Variants in CEMIP2 observed in about 807,000 individuals in gnomAD.
CEMIP2 encodes the protein cell surface hyaluronidase CEMIP2.
Under a neutral mutation model 146.9 loss-of-function variants are expected in CEMIP2, and 79 were observed. That is an observed-to-expected ratio of 0.54 (90% CI 0.45 to 0.65). The LOEUF is 0.65. Among genes scored for constraint, CEMIP2 ranks in the 30% least tolerant of loss-of-function variants. The pLI is 0.00. For missense variants in CEMIP2, 1,596 were observed against 1,696.2 expected (o/e 0.94, Z 1.04); for synonymous variants, 601 against 606.3 (o/e 0.99, Z 0.13).
At chr9:71,746,760 A>G in intron 2 of CEMIP2, among the ~76,000 whole-genome samples, 1 of 152,214 alleles carries the variant, frequency 6.6e-6, no homozygotes, top group East Asian at 1.9e-4. Flanking sequence ...GAAAATTGCT[A>G]AATAATACAT....
intron 14 of CEMIP2, among the ~76,000 whole-genome samples, chr9:71,715,625 G>GAGATATAT (rs140408118): frequency 8.4e-6 from 1 of 119,068 alleles, no homozygotes; most frequent in African/African-American, 2.9e-5. Context: ...TCCCTCTTAA[G>GAGATATAT]ATATATATAT....
At chr9:71,702,741 A>G (rs1480378716) in intron 18 of CEMIP2, among the ~76,000 whole-genome samples, 1 of 152,186 alleles carries the variant, frequency 6.6e-6, no homozygotes, top group African/African-American at 2.4e-5. Flanking sequence ...GCCTCTGACC[A>G]TCGTGTAATT....
intron 12 of CEMIP2, among the ~76,000 whole-genome samples, chr9:71,719,575 A>G (rs1387611848): frequency 6.6e-6 from 1 of 152,194 alleles, no homozygotes; most frequent in African/African-American, 2.4e-5. Flanking sequence ...ACCAGTCAGA[A>G]GGATCTTCAT....
At position 71,746,359 on chromosome 9, in the gene CEMIP2, T is replaced by C; in HGVS notation, c.332-18A>G. On this transcript the variant is annotated intron_variant, in intron 2 of 23. Transcript: ENST00000377044. ...GCAATTTTCTATAAACACATTGATA[T>C]TCCATCCAACCCATTAAAATGCAGG... is the stretch of plus-strand genomic sequence containing the variant. 1.2e-6 allele frequency: 2 copies of C among 1,613,384 alleles called. No homozygotes were observed. Among genetic ancestry groups the C allele is most frequent in the Non-Finnish European group, 1.7e-6 (2 of 1,179,554 alleles).
chr9:71,758,841 T>C (rs1406676533), intron 1 of CEMIP2, among the ~76,000 whole-genome samples: 1 of 152,178 alleles, frequency 6.6e-6, no homozygotes. Flanking sequence ...AAATAGAAGA[T>C]TTTCCACAGG....
intron 7 of CEMIP2, among the ~76,000 whole-genome samples, chr9:71,731,763 A>G (rs1048342438): frequency 1.3e-5 from 2 of 152,026 alleles, no homozygotes; most frequent in African/African-American, 4.8e-5. Flanking sequence ...TGTAACAGAA[A>G]TACTACTTAC....
rs79872255 is a variant in CEMIP2 at position 71,741,185 on chromosome 9, ATTTTTTTTTTTTTTTTTT to A, written c.1035-971_1035-954del. Among the ~76,000 whole-genome samples, 5 of 72,242 alleles carry A rather than the reference ATTTTTTTTTTTTTTTTTT, an allele frequency of 6.9e-5. No homozygotes were observed. In the South Asian group the frequency reaches 2.1e-3, roughly 30 times the overall value. 47.4% of individuals were successfully genotyped at this position (72,242 alleles called of 152,430 possible). A position where few individuals can be genotyped will look rare whatever the true frequency, so the allele number is the denominator to read the frequency against. On this transcript the variant is annotated intron_variant, in intron 4 of 23. Coordinates refer to ENST00000377044, the MANE Select transcript of CEMIP2 (RefSeq NM_013390.3). Reference sequence around the variant, plus strand: ...CAGGCAAGGTTGAGAACTGAGTTAGATTTTTTTTTTTTTTTTTTTTTTTTTTTTGAGATGGAGTTTCGC... The same window carrying A: ...CAGGCAAGGTTGAGAACTGAGTTAGATTTTTTTTTTGAGATGGAGTTTCGC...
At chr9:71,728,267 A>ATC (rs1823476025) in intron 10 of CEMIP2, among the ~76,000 whole-genome samples, 1 of 11,104 alleles carries the variant, frequency 9.0e-5, no homozygotes, top group Admixed American at 1.7e-3. Context: ...ACACGTATAT[A>ATC]TATATATATA....
rs1823488695 is a variant in CEMIP2, at chr9:71,728,282, T to TAC, written c.2049+1562_2049+1563insGT. Among the ~76,000 whole-genome samples, 4 of 10,112 alleles carry TAC rather than the reference T, an allele frequency of 4.0e-4. 1 individual carries two copies. The highest frequency in any genetic ancestry group is 1.9e-3 in the Admixed American group (1 of 528). 6.6% of individuals were successfully genotyped at this position (10,112 alleles called of 152,430 possible). A position where few individuals can be genotyped will look rare whatever the true frequency, so the allele number is the denominator to read the frequency against. ...ACACGTATATATATATATATATATG[T>TAC]ATATATATATATATATATACATATA... On this transcript the variant is annotated intron_variant, in intron 10 of 23. Coordinates refer to ENST00000377044, the MANE Select transcript of CEMIP2 (RefSeq NM_013390.3).
chr9:71,720,647 A>G (rs1205923613), intron 12 of CEMIP2, among the ~76,000 whole-genome samples: 1 of 152,172 alleles, frequency 6.6e-6, no homozygotes, highest in African/African-American at 2.4e-5. Context: ...TATCTTCTGG[A>G]TCTTCTAAGC....
chr9:71,702,464 C>A (rs1487743795), intron 18 of CEMIP2, among the ~76,000 whole-genome samples: 2 of 151,932 alleles, frequency 1.3e-5, no homozygotes, highest in East Asian at 3.9e-4. Flanking sequence ...AAAATTATGG[C>A]ACATCCATAG....
chr9:71,758,613 G>A (rs1824534817), intron 1 of CEMIP2, among the ~76,000 whole-genome samples: 1 of 152,134 alleles, frequency 6.6e-6, no homozygotes, highest in African/African-American at 2.4e-5. Context: ...AGGAGAGACG[G>A]CAAATGTCTC....
Position 71,684,669 on chromosome 9 carries a change from T to G in CEMIP2, c.*528A>C, listed in dbSNP as rs1822000707. On this transcript the variant is annotated 3_prime_UTR_variant, in exon 24 of 24. Transcript: ENST00000377044. ...TGTCCAGGCAAAAAAGGGCATGAGC[T>G]GGGCCTGAGTTGCCACTTAAAACTG... 2 of 152,896 alleles carry G rather than the reference T, an allele frequency of 1.3e-5. No individual in the cohort carries two copies. Among genetic ancestry groups the G allele is most frequent in the Non-Finnish European group, 2.9e-5 (2 of 68,226 alleles). The allele number at this position is 152,896 out of a possible 1,614,324, so 9.5% of individuals were successfully genotyped here.
intron 2 of CEMIP2, among the ~76,000 whole-genome samples, chr9:71,749,592 G>A (rs755741518): frequency 6.6e-6 from 1 of 152,002 alleles, no homozygotes; most frequent in Non-Finnish European, 1.5e-5. Flanking sequence ...TGTAGTCCCA[G>A]CTACTCAGGA....
At chr9:71,769,057 G>T (rs11790412), upstream of CEMIP2, among the ~76,000 whole-genome samples, 11 of 152,152 alleles carry the variant, frequency 7.2e-5, 1 homozygote, top group East Asian at 5.9e-4. Context: ...CCGCGCGCTG[G>T]AACAGCGCCC....
At chr9:71,741,262 T>A (rs1823907657) in intron 4 of CEMIP2, among the ~76,000 whole-genome samples, 1 of 137,752 alleles carries the variant, frequency 7.3e-6, no homozygotes, top group Non-Finnish European at 1.5e-5. Context: ...AATGGCGCAA[T>A]CTCGGCTCAC....
At chr9:71,707,969 G>C (rs1441817955) in intron 17 of CEMIP2, among the ~76,000 whole-genome samples, 2 of 152,100 alleles carry the variant, frequency 1.3e-5, no homozygotes, top group South Asian at 2.1e-4. Flanking sequence ...GGCGGATCAT[G>C]AGGTCAGGAG....
chr9:71,752,604 T>TC (rs1824295323), intron 1 of CEMIP2, among the ~76,000 whole-genome samples: 1 of 151,596 alleles, frequency 6.6e-6, no homozygotes, highest in African/African-American at 2.4e-5. Context: ...ACCTCTTACA[T>TC]CCCTTCCTTA....
intron 10 of CEMIP2, among the ~76,000 whole-genome samples, chr9:71,728,815 T>TTGTGTGTGTGTG (rs33987875): frequency 2.0e-4 from 29 of 148,312 alleles, no homozygotes; most frequent in African/African-American, 7.2e-4. Flanking sequence ...TGTGGGGTTT[T>TTGTGTGTGTGTG]TGTGTGTGTG....
Sources: gnomAD v4.1 joint callset for allele counts (sites outside exome capture counted in the v4.1 genomes callset) on GRCh38, gnomAD v4.1.1 for gene constraint, MANE v1.5 for transcripts, NCBI Gene and HGNC (gene_info 2026-07-23, HGNC 2026-07-21) for gene names.